HSPG2: variants seen among roughly 807,000 people sequenced by gnomAD.
HSPG2 encodes heparan sulfate proteoglycan 2, also known as basement membrane-specific heparan sulfate proteoglycan core protein.
A neutral mutation model predicts 526.6 loss-of-function variants in HSPG2; 278 were observed. The ratio of observed to expected loss-of-function variants is 0.53; its 90% CI spans 0.48 to 0.58. The LOEUF is 0.58. HSPG2 is among the 20% of genes least tolerant of loss of function. HSPG2 has a pLI of 0.00. For synonymous variants in HSPG2, 2,465 were observed against 2,555.4 expected (o/e 0.96, Z 1.07); for missense variants, 5,354 against 6,099.5 (o/e 0.88, Z 4.07).
At chr1:21,868,361 A>C (rs1640400234) in intron 33 of HSPG2, among the ~76,000 whole-genome samples, 1 of 152,154 alleles carries the variant, frequency 6.6e-6, no homozygotes, top group Non-Finnish European at 1.5e-5. Flanking sequence ...CTTAAGAGGT[A>C]CTTGAAATTG....
chr1:21,902,708 T>C (rs776400762), intron 1 of HSPG2, among the ~76,000 whole-genome samples: 2 of 152,150 alleles, frequency 1.3e-5, no homozygotes, highest in Non-Finnish European at 2.9e-5. Context: ...CTGGAAAAGC[T>C]GCATTCCATC....
chr1:21,873,129 C>G (rs371113935), intron 30 of HSPG2, 38 bp from the exon 31 acceptor site: 1 of 1,522,170 alleles, frequency 6.6e-7, no homozygotes, highest in South Asian at 1.1e-5. Context: ...GCCCCAAACC[C>G]GCCACCCAGC....
At position 21,848,057 on chromosome 1, in the gene HSPG2, G is replaced by A; in HGVS notation, c.7774C>T (p.Pro2592Ser). 1 of 1,612,724 alleles carries A rather than the reference G, an allele frequency of 6.2e-7. No individual in the cohort carries two copies. The highest frequency in any genetic ancestry group is 8.5e-7 in the Non-Finnish European group (1 of 1,179,722). ...CACACGTACTCGCCCGAGTCTGCCG[G>A]AGTCACCTGAGGGATCCGCAGCCGG... Reference protein sequence around the residue: ...GSRLRIPQVTPADSGEYVCHV... With the variant: ...GSRLRIPQVTSADSGEYVCHV... Residue 2592 changes from proline (P) to serine (S), a missense_variant, in exon 60 of 97, where the codon CCG (proline) becomes TCG (serine). Coordinates refer to ENST00000374695, the MANE Select transcript of HSPG2 (RefSeq NM_005529.7). The surrounding 1 kb of genome is among the most constrained non-coding windows in gnomAD (Gnocchi z 4.9).
chr1:21,842,962 G>A (rs750859612), intron 66 of HSPG2, 41 bp from the exon 67 acceptor site: 2 of 1,612,232 alleles, frequency 1.2e-6, no homozygotes, highest in South Asian at 1.1e-5. Context: ...CAGGCTCCGG[G>A]GATCAAGGCA....
intron 6 of HSPG2, chr1:21,889,675 A>T (rs929770270): frequency 4.7e-5 from 17 of 364,090 alleles, no homozygotes; most frequent in African/African-American, 3.4e-4. Context: ...GTTGCTCATT[A>T]TTATTAAGTA....
chr1:21,933,815 C>T (rs11587857), intron 1 of HSPG2, among the ~76,000 whole-genome samples: 107,502 of 152,192 alleles, frequency 0.71, 38,398 homozygotes, highest in Middle Eastern at 0.82. Flanking sequence ...GCTGCAGGTA[C>T]GGAACAAGTA....
chr1:21,828,865 C>T lies in HSPG2; in HGVS notation c.12207G>A (p.Met4069Ile). Residue 4069 changes from methionine (M) to isoleucine (I), a missense_variant, in exon 88 of 97, where the codon ATG becomes ATA. Coordinates refer to ENST00000374695, the MANE Select transcript of HSPG2 (RefSeq NM_005529.7). This position sits in a 1 kb window ranked among gnomAD's most constrained non-coding sequence, Gnocchi z 6.0. The stretch of plus-strand genomic sequence containing the variant: ...CCACACAGCCGCGGAAGTGAGCGCT[C>T]ATGTTGGTGGCCGGGGACAGTGGCA... Reference protein sequence around the residue: ...PSVPLSPATNMSAHFRGCVGE... With the variant: ...PSVPLSPATNISAHFRGCVGE... The T allele has an allele frequency of 1.9e-6, 3 of 1,551,844 alleles. No individual in the cohort carries two copies. Among genetic ancestry groups the T allele is most frequent in the South Asian group, 2.4e-5 (2 of 84,140 alleles).
In HSPG2 at chr1:21,828,407, C is replaced by A. The variant is rs142235298; in HGVS notation, c.12257G>T (p.Arg4086Leu). 21 of 1,613,572 alleles carry A rather than the reference C, an allele frequency of 1.3e-5. No individual in the cohort carries two copies. The highest frequency in any genetic ancestry group is 1.8e-5 in the Non-Finnish European group (21 of 1,180,012). The part of the protein sequence containing the change: ...CVGEVSVNGK[R>L]LDLTYSFLGS... Reference sequence around the variant, plus strand: ...TAGGAAACTGTAGGTGAGGTCCAGCCGTTTGCCATTCACTGACACCTGTGG... The same window carrying A: ...TAGGAAACTGTAGGTGAGGTCCAGCAGTTTGCCATTCACTGACACCTGTGG... The change falls in exon 89 of 97, where the codon CGG (arginine) becomes CTG (leucine). Residue 4086 changes from arginine to leucine, a missense_variant. By Grantham distance (102) the Arg-to-Leu change is moderately radical (BLOSUM62 -2). Coordinates refer to ENST00000374695, the MANE Select transcript of HSPG2 (RefSeq NM_005529.7). The surrounding 1 kb of genome is among the most constrained non-coding windows in gnomAD (Gnocchi z 6.0).
Position 21,904,535 on chromosome 1 carries a change from G to A in HSPG2, c.64-8225C>T, listed in dbSNP as rs1643268946. Among the ~76,000 whole-genome samples the A allele has an allele frequency of 6.6e-6, 1 of 152,150 alleles. No individual in the cohort carries two copies. The highest frequency in any genetic ancestry group is 1.5e-5 in the Non-Finnish European group (1 of 68,010). On this transcript the variant is annotated intron_variant, in intron 1 of 96. Coordinates refer to ENST00000374695, the MANE Select transcript of HSPG2 (RefSeq NM_005529.7). The surrounding 1 kb of genome is among the most constrained non-coding windows in gnomAD (Gnocchi z 4.4). ...GCCAAGTCTCCCCTGTACCCCCAGA[G>A]TCCCTGCACTCTCCTCCGTCCCCCA...
chr1:21,848,192 C>T lies in HSPG2; in HGVS notation c.7738-99G>A. The T allele has an allele frequency of 1.4e-6, 2 of 1,384,164 alleles. No individual in the cohort carries two copies. The highest frequency in any genetic ancestry group is 2.5e-5 in the East Asian group (1 of 40,160). 85.7% of individuals were successfully genotyped at this position (1,384,164 alleles called of 1,614,324 possible). ...CTGCCCCTGGACTCTGGGGGCCTCC[C>T]TGCCTTGCCTCCTCAGTGGCCTTCG... is the stretch of plus-strand genomic sequence containing the variant. On this transcript the variant is annotated intron_variant, in intron 59 of 96. Transcript: ENST00000374695. This position sits in a 1 kb window ranked among gnomAD's most constrained non-coding sequence, Gnocchi z 4.9.
In HSPG2 at chr1:21,875,987, C is replaced by A. The variant is rs374140235; in HGVS notation, c.3059G>T (p.Gly1020Val). 6.2e-6 allele frequency: 10 copies of A among 1,614,164 alleles called. No homozygotes were observed. Among genetic ancestry groups the A allele is most frequent in the Admixed American group, 1.7e-5 (1 of 60,030 alleles). ...CGGCTGCCCGTGCAGGGGTGTGGAG[C>A]CCGGCTGGGACCTCTGGGTCACTGT... Reference protein sequence around the residue: ...RFTVTQRSQPGSTPLHGQPLV... With the variant: ...RFTVTQRSQPVSTPLHGQPLV... Residue 1020 changes from glycine (G) to valine (V), a missense_variant, in exon 24 of 97, where the codon GGC becomes GTC. Physicochemically the swap from Gly to Val is moderately radical, Grantham distance 109. Transcript: ENST00000374695.
rs1475940646 is a variant in HSPG2 at position 21,872,410 on chromosome 1, G to A, written c.4030-33C>T. The A allele has an allele frequency of 6.5e-7, 1 of 1,536,080 alleles. No individual in the cohort carries two copies. On this transcript the variant is annotated intron_variant, in intron 32 of 96. Transcript: ENST00000374695. The surrounding 1 kb of genome is among the most constrained non-coding windows in gnomAD (Gnocchi z 5.5). ...GGGAAAAAGGAGGGGGCGTCAGCCT[G>A]AGCACCGGGGTGCCTTGGTGGGGGA...
intron 1 of HSPG2, among the ~76,000 whole-genome samples, chr1:21,900,418 A>G (rs947134942): frequency 1.3e-5 from 2 of 152,148 alleles, no homozygotes; most frequent in African/African-American, 2.4e-5. Flanking sequence ...GAGGCACCCA[A>G]TCCCAGAGGT....
At chr1:21,926,962 GA>G (rs1644212649) in intron 1 of HSPG2, among the ~76,000 whole-genome samples, 2 of 152,126 alleles carry the variant, frequency 1.3e-5, no homozygotes, top group South Asian at 2.1e-4. Context: ...GGTTAGTTAG[GA>G]GGGGGAGGCC....
At chr1:21,892,612 C>T (rs1446476926) in intron 3 of HSPG2, among the ~76,000 whole-genome samples, 4 of 152,224 alleles carry the variant, frequency 2.6e-5, no homozygotes, top group South Asian at 2.1e-4. Flanking sequence ...CAGTGGCTCA[C>T]GCCTGTAATC....
Position 21,880,452 on chromosome 1 carries a change from C to T in HSPG2, c.2106G>A (p.Met702Ile). ...CGATGTCGCTAAGTCCCACGCTGGCCATCTTGGTGTTGTACACGGTCTGGA... is the reference window on the plus strand; with the variant it reads ...CGATGTCGCTAAGTCCCACGCTGGCTATCTTGGTGTTGTACACGGTCTGGA... The part of the protein sequence containing the change: ...VLIQTVYNTK[M>I]ASVGLSDIAM... The change falls in exon 16 of 97, where the codon ATG (methionine) becomes ATA (isoleucine). Residue 702 changes from methionine to isoleucine, a missense_variant. By Grantham distance (10) the Met-to-Ile change is conservative (BLOSUM62 1). Transcript: ENST00000374695. 1 of 1,613,994 alleles carries T rather than the reference C, an allele frequency of 6.2e-7. No individual in the cohort carries two copies. Among genetic ancestry groups the T allele is most frequent in the Non-Finnish European group, 8.5e-7 (1 of 1,179,980 alleles).
Position 21,904,149 on chromosome 1 carries a change from G to A in HSPG2, c.64-7839C>T, listed in dbSNP as rs571082737. 5.9e-5 allele frequency among the ~76,000 whole-genome samples: 9 copies of A among 152,324 alleles called. No individual in the cohort carries two copies. In the South Asian group the frequency reaches 1.5e-3, roughly 25 times the overall value. On this transcript the variant is annotated intron_variant, in intron 1 of 96. Coordinates refer to ENST00000374695, the MANE Select transcript of HSPG2 (RefSeq NM_005529.7). This position sits in a 1 kb window ranked among gnomAD's most constrained non-coding sequence, Gnocchi z 4.4. ...GAACCACGTGCTGGCAACACCGTGC[G>A]AAGAGAGTGCTGAAGGGGAAGGAAG...
chr1:21,888,582 A>C, intron 6 of HSPG2: 1 of 985,814 alleles, frequency 1.0e-6, no homozygotes, highest in Non-Finnish European at 1.4e-6. Flanking sequence ...CTGGGGTTAC[A>C]GGCGTGAGCC....
chr1:21,865,966 G>C lies in HSPG2; in HGVS notation c.4222-157C>G, dbSNP rs917938571. Among the ~76,000 whole-genome samples, 1 of 150,558 alleles carries C rather than the reference G, an allele frequency of 6.6e-6. No individual in the cohort carries two copies. Among genetic ancestry groups the C allele is most frequent in the Non-Finnish European group, 1.5e-5 (1 of 67,754 alleles). On this transcript the variant is annotated intron_variant, in intron 33 of 96. Coordinates refer to ENST00000374695, the MANE Select transcript of HSPG2 (RefSeq NM_005529.7). The surrounding 1 kb of genome is among the most constrained non-coding windows in gnomAD (Gnocchi z 5.4). ...AACCAAGAGGCCAGGGTGCATGGTT[G>C]CCTGGGAAACAGGACATTTCTCAGT... is the stretch of plus-strand genomic sequence containing the variant.
Sources: gnomAD v4.1 joint callset for allele counts (sites outside exome capture counted in the v4.1 genomes callset) on GRCh38, gnomAD v4.1.1 for gene constraint, Gnocchi (gnomAD v3.1) non-coding constraint, MANE v1.5 for transcripts, NCBI Gene and HGNC (gene_info 2026-07-23, HGNC 2026-07-21) for gene names.